The following CUL3 variants were observed in gnomAD, a reference collection of about 807,000 sequenced individuals.
CUL3 encodes cullin 3.
Under a neutral mutation model 89.1 loss-of-function variants are expected in CUL3, and 19 were observed. The observed-to-expected ratio is 0.21, with a 90% CI of 0.15 to 0.31. The LOEUF (loss-of-function observed/expected upper bound fraction) is 0.31. Ranked by LOEUF, CUL3 falls within the 10% of genes least tolerant of loss-of-function variation. The pLI is 1.00. For synonymous variants in CUL3, 351 were observed against 308.4 expected, an observed-to-expected ratio of 1.14 and a Z score of -1.45; for missense variants, 469 against 942.3, an observed-to-expected ratio of 0.50 and a Z score of 6.58.
rs1422519074 is a variant in CUL3, at chr2:224,482,025, C to T, written c.1896G>A (p.Gln632=). The T allele has an allele frequency of 1.2e-6, 2 of 1,607,744 alleles. No homozygotes were observed. The highest frequency in any genetic ancestry group is 2.7e-5 in the African/African-American group (2 of 74,716). Residue 632 remains glutamine, a synonymous_variant, in exon 14 of 16, where the codon CAG becomes CAA. Coordinates refer to ENST00000264414, the MANE Select transcript of CUL3 (RefSeq NM_003590.5). ...GTGTTGGTTTACCACAGGCGAGGGA[C>T]TGTAGGGCTCTAACAAGCTCTCTTT... The part of the protein sequence containing the change: ...IPERELVRAL[Q]SLACGKPTQR...
rs904897265 is a variant in CUL3 at position 224,584,956 on chromosome 2, G to T, written c.54C>A (p.Ile18=). 1 of 1,503,232 alleles carries T rather than the reference G, an allele frequency of 6.7e-7. No homozygotes were observed. Among genetic ancestry groups the T allele is most frequent in the Non-Finnish European group, 9.0e-7 (1 of 1,115,236 alleles). The allele number at this position is 1,503,232 out of a possible 1,614,324, so 93.1% of individuals were successfully genotyped here. Reference sequence around the variant, plus strand: ...AGGAGAGACTCACCGGAAAGGCCCGGATCCGCATCTTGGTGTCCTTCCGGC... The same window carrying T: ...AGGAGAGACTCACCGGAAAGGCCCGTATCCGCATCTTGGTGTCCTTCCGGC... The part of the protein sequence containing the change: ...TGSRKDTKMR[I]RAFPMTMDEK... Residue 18 remains isoleucine (I), a synonymous_variant, in exon 1 of 16, where the codon ATC becomes ATA. Transcript: ENST00000264414.
intron 13 of CUL3, among the ~76,000 whole-genome samples, chr2:224,483,205 A>C (rs747326677): frequency 6.6e-6 from 1 of 152,210 alleles, no homozygotes; most frequent in South Asian, 2.1e-4. Context: ...TATTACATAC[A>C]TGCTAAAAGT....
In CUL3 at chr2:224,529,584, G is replaced by C. The variant is rs187597329; in HGVS notation, c.378+5944C>G. 9.5e-4 allele frequency among the ~76,000 whole-genome samples: 145 copies of C among 151,838 alleles called. 1 individual carries two copies. The highest frequency in any genetic ancestry group is 1.8e-3 in the Non-Finnish European group (122 of 67,946). Reference sequence around the variant, plus strand: ...GCGGAGCTTGCAGTGAGCTGAGATCGTGCCACTGTACTCCGAGACTCCCTC... The same window carrying C: ...GCGGAGCTTGCAGTGAGCTGAGATCCTGCCACTGTACTCCGAGACTCCCTC... On this transcript the variant is annotated intron_variant, in intron 3 of 15. Transcript: ENST00000264414.
At chr2:224,514,472 C>G (rs1009122165) in intron 4 of CUL3, 140 bp downstream of exon 4, 11 of 633,094 alleles carry the variant, frequency 1.7e-5, no homozygotes, top group Non-Finnish European at 5.0e-6. Flanking sequence ...ACTGTTAACT[C>G]TGATACTAAG....
At chr2:224,537,783 T>C (rs1693949927) in intron 2 of CUL3, among the ~76,000 whole-genome samples, 1 of 152,190 alleles carries the variant, frequency 6.6e-6, no homozygotes, top group African/African-American at 2.4e-5. Context: ...CGCTATATTA[T>C]AAAATTAAGT....
intron 15 of CUL3, among the ~76,000 whole-genome samples, chr2:224,477,319 C>T (rs576627182): frequency 1.3e-5 from 2 of 152,146 alleles, no homozygotes; most frequent in African/African-American, 4.8e-5. Flanking sequence ...GGTAGCTGTT[C>T]CAAGAACCAC....
chr2:224,489,694 T>C (rs1027231635), intron 13 of CUL3, among the ~76,000 whole-genome samples: 6 of 152,242 alleles, frequency 3.9e-5, no homozygotes, highest in Admixed American at 1.3e-4. Context: ...CAAGCTACCA[T>C]TGACTTTCTT....
intron 2 of CUL3, among the ~76,000 whole-genome samples, chr2:224,553,351 GAAAGA>G (rs1287798858): frequency 6.6e-6 from 1 of 152,244 alleles, no homozygotes; most frequent in East Asian, 1.9e-4. Context: ...AAATGAGCGT[GAAAGA>G]AAAGAATAAA....
intron 2 of CUL3, among the ~76,000 whole-genome samples, chr2:224,550,935 T>C (rs1275437464): frequency 6.6e-6 from 1 of 152,196 alleles, no homozygotes; most frequent in Admixed American, 6.6e-5. Flanking sequence ...AGGTCTGGCA[T>C]GATATGATCT....
intron 1 of CUL3, among the ~76,000 whole-genome samples, chr2:224,562,230 T>C (rs895845308): frequency 2.6e-5 from 4 of 152,144 alleles, no homozygotes; most frequent in Non-Finnish European, 4.4e-5. Context: ...CAAGGTTGTA[T>C]GTAGTGCGTT....
intron 2 of CUL3, among the ~76,000 whole-genome samples, chr2:224,556,666 G>A (rs1047103448): frequency 6.6e-6 from 1 of 152,046 alleles, no homozygotes; most frequent in African/African-American, 2.4e-5. Context: ...AATGTATTAG[G>A]CAACAGTATT....
At chr2:224,550,975 T>C (rs891511096) in intron 2 of CUL3, among the ~76,000 whole-genome samples, 1 of 152,154 alleles carries the variant, frequency 6.6e-6, no homozygotes, top group Non-Finnish European at 1.5e-5. Flanking sequence ...AACCCCATCT[T>C]GTCCCATTCC....
chr2:224,518,820 T>A (rs2106232640), intron 3 of CUL3, among the ~76,000 whole-genome samples: 1 of 152,340 alleles, frequency 6.6e-6, no homozygotes, highest in African/African-American at 2.4e-5. Flanking sequence ...CTATTTGCTA[T>A]CGGTCTCCCA....
intron 13 of CUL3, among the ~76,000 whole-genome samples, chr2:224,493,149 CGA>C (rs1472381980): frequency 2.0e-5 from 3 of 152,112 alleles, no homozygotes; most frequent in Non-Finnish European, 2.9e-5. Flanking sequence ...CCCACAGAAA[CGA>C]GAGATAATAA....
At position 224,511,477 on chromosome 2, in the gene CUL3, T is replaced by G; in HGVS notation, c.760A>C (p.Lys254Gln). 6.2e-7 allele frequency: 1 copy of G among 1,613,834 alleles called. No homozygotes were observed. The highest frequency in any genetic ancestry group is 1.3e-5 in the African/African-American group (1 of 75,060). ...TTTACAATTGGTTCTTCCGTTGATT[T>G]GTCAAGGCAGTGCATCACTCGTTCT... ...EIERVMHCLDKSTEEPIVKVV... is the reference protein window; with the variant it reads ...EIERVMHCLDQSTEEPIVKVV... Residue 254 changes from lysine to glutamine, a missense_variant, in exon 6 of 16, where the codon AAA (lysine) becomes CAA (glutamine). By Grantham distance (53) the Lys-to-Gln change is moderately conservative. This residue lies in a region of CUL3 where 370 missense variants were observed against 733.2 expected (regional missense o/e 0.50). Coordinates refer to ENST00000264414, the MANE Select transcript of CUL3 (RefSeq NM_003590.5).
rs913363674 is a variant in CUL3 at position 224,472,179 on chromosome 2, T to G, written c.*2066A>C. The G allele has an allele frequency of 5.3e-5, 12 of 225,864 alleles. No homozygotes were observed. The highest frequency in any genetic ancestry group is 1.1e-4 in the Admixed American group (2 of 17,508). 14.0% of individuals were successfully genotyped at this position (225,864 alleles called of 1,614,324 possible). ...TATTTAGAAGCATAAATATCAAACC[T>G]GTGCTCCAAAGTTAACAAGTATGTC... On this transcript the variant is annotated 3_prime_UTR_variant, in exon 16 of 16. Coordinates refer to ENST00000264414, the MANE Select transcript of CUL3 (RefSeq NM_003590.5).
chr2:224,580,626 G>A (rs566330537), intron 1 of CUL3, among the ~76,000 whole-genome samples: 2 of 152,178 alleles, frequency 1.3e-5, no homozygotes, highest in African/African-American at 4.8e-5. Flanking sequence ...GGAGGCTGCA[G>A]TGAGCCAAGA....
intron 1 of CUL3, among the ~76,000 whole-genome samples, chr2:224,575,606 T>C (rs531087506): frequency 6.6e-6 from 1 of 152,354 alleles, no homozygotes; most frequent in East Asian, 1.9e-4. Context: ...CATTTATGTA[T>C]AATGCTTATT....
At position 224,503,075 on chromosome 2, in the gene CUL3, G is replaced by A. The variant is rs1218115779; in HGVS notation, c.1378-3C>T. The A allele has an allele frequency of 6.3e-7, 1 of 1,590,796 alleles. No homozygotes were observed. The highest frequency in any genetic ancestry group is 1.7e-5 in the Admixed American group (1 of 59,654). On this transcript the variant is annotated splice_region_variant and splice_polypyrimidine_tract_variant and intron_variant, in intron 9 of 15. Transcript: ENST00000264414. ...GTGAACTGACATCCACATTCAGTCT[G>A]TGGAGGAAAAACACAAATATACACA...
Sources: gnomAD v4.1 joint callset for allele counts (sites outside exome capture counted in the v4.1 genomes callset) on GRCh38, gnomAD v4.1.1 for gene constraint, gnomAD v4.1.1 regional missense constraint, MANE v1.5 for transcripts, NCBI Gene and HGNC (gene_info 2026-07-23, HGNC 2026-07-21) for gene names.